Variants in ADAMTS12 observed in about 807,000 individuals in gnomAD.
The protein encoded by ADAMTS12 is ADAM metallopeptidase with thrombospondin type 1 motif 12.
ADAMTS12 carries 118 observed loss-of-function variants against 167.8 expected under a neutral mutation model. The observed-to-expected ratio is 0.70, with a 90% CI of 0.61 to 0.82. The LOEUF (loss-of-function observed/expected upper bound fraction) is 0.82, where lower values mean the gene tolerates loss of function less well. Ranked by LOEUF, ADAMTS12 falls within the 40% of genes least tolerant of loss-of-function variation. The pLI, the probability that ADAMTS12 is intolerant of heterozygous loss-of-function variation, is 0.00. For missense variants in ADAMTS12, 1,916 were observed against 1,998.8 expected (o/e 0.96, Z 0.79); for synonymous variants, 704 against 716.9 (o/e 0.98, Z 0.29).
chr5:33,602,448 C>A (rs994106387), intron 16 of ADAMTS12, among the ~76,000 whole-genome samples: 4 of 152,176 alleles, frequency 2.6e-5, no homozygotes, highest in Admixed American at 6.5e-5. Context: ...CCATTGAAAT[C>A]ATCTGAATTC....
intron 3 of ADAMTS12, among the ~76,000 whole-genome samples, chr5:33,717,446 C>T (rs1170050926): frequency 6.6e-6 from 1 of 152,146 alleles, no homozygotes; most frequent in Admixed American, 6.5e-5. Context: ...ATTTAATCCA[C>T]ATAATAACCC....
At chr5:33,839,297 T>G (rs1366622292) in intron 2 of ADAMTS12, among the ~76,000 whole-genome samples, 1 of 152,246 alleles carries the variant, frequency 6.6e-6, no homozygotes, top group African/African-American at 2.4e-5. Context: ...GTGTGTGCTA[T>G]TATTAGCAGA....
intron 2 of ADAMTS12, among the ~76,000 whole-genome samples, chr5:33,820,806 A>T (rs540174744): frequency 1.3e-5 from 2 of 152,278 alleles, no homozygotes; most frequent in African/African-American, 4.8e-5. Flanking sequence ...AAAGAACAAG[A>T]TCATGTCCTT....
At chr5:33,638,684 CA>C (rs1740304272) in intron 11 of ADAMTS12, among the ~76,000 whole-genome samples, 1 of 152,152 alleles carries the variant, frequency 6.6e-6, no homozygotes, top group African/African-American at 2.4e-5. Flanking sequence ...CTATCATTCC[CA>C]AAGATAGTTC....
At chr5:33,789,062 G>C (rs867239708) in intron 2 of ADAMTS12, among the ~76,000 whole-genome samples, 1 of 152,172 alleles carries the variant, frequency 6.6e-6, no homozygotes, top group Non-Finnish European at 1.5e-5. Flanking sequence ...AGGATCACAC[G>C]GATTCTGTAC....
At chr5:33,804,311 C>T (rs4866386) in intron 2 of ADAMTS12, among the ~76,000 whole-genome samples, 70,132 of 152,056 alleles carry the variant, frequency 0.46, 16,483 homozygotes, top group African/African-American at 0.52. Context: ...GCAAACCCAT[C>T]GCAAACAAGC....
intron 2 of ADAMTS12, among the ~76,000 whole-genome samples, chr5:33,832,628 A>G (rs1748344044): frequency 6.6e-6 from 1 of 152,204 alleles, no homozygotes; most frequent in African/African-American, 2.4e-5. Flanking sequence ...GCATGCTCAG[A>G]GAGAGAATTT....
At chr5:33,628,837 A>G (rs1739785418) in intron 13 of ADAMTS12, among the ~76,000 whole-genome samples, 1 of 152,220 alleles carries the variant, frequency 6.6e-6, no homozygotes, top group Non-Finnish European at 1.5e-5. Flanking sequence ...CCAGTGTGCT[A>G]TAGACAGAAA....
chr5:33,553,132 C>G (rs1318991065), intron 20 of ADAMTS12, among the ~76,000 whole-genome samples: 1 of 152,134 alleles, frequency 6.6e-6, no homozygotes, highest in Admixed American at 6.5e-5. Context: ...TATCACTGAT[C>G]ATTAGAGAAA....
chr5:33,873,710 T>C (rs1312568580), intron 2 of ADAMTS12, among the ~76,000 whole-genome samples: 5 of 152,072 alleles, frequency 3.3e-5, no homozygotes, highest in African/African-American at 1.2e-4. Context: ...AAAGAATAGA[T>C]AAATAGATAA....
chr5:33,542,501 C>T (rs143629047), intron 22 of ADAMTS12, among the ~76,000 whole-genome samples: 181 of 152,298 alleles, frequency 1.2e-3, no homozygotes, highest in African/African-American at 4.2e-3. Flanking sequence ...TTCAGCTCTG[C>T]ACCAAGCAAA....
rs559689325 is a variant in ADAMTS12, at chr5:33,537,875, T to C, written c.4447-2883A>G. 1.5e-3 allele frequency among the ~76,000 whole-genome samples: 222 copies of C among 152,358 alleles called. 1 individual carries two copies. The highest frequency in any genetic ancestry group is 5.3e-3 in the African/African-American group (219 of 41,580). On this transcript the variant is annotated intron_variant, in intron 22 of 23. Transcript: ENST00000504830. ...GCATTATGTTGGGCAAAATACTGCA[T>C]TCCCGTGTGTGTTATAATTATAACC...
intron 2 of ADAMTS12, among the ~76,000 whole-genome samples, chr5:33,826,692 C>T (rs1748085072): frequency 6.6e-6 from 1 of 151,526 alleles, no homozygotes; most frequent in African/African-American, 2.4e-5. Flanking sequence ...TAACAAATAA[C>T]CTAAATTAAT....
At chr5:33,580,826 A>G (rs1249581031) in intron 18 of ADAMTS12, among the ~76,000 whole-genome samples, 1 of 152,230 alleles carries the variant, frequency 6.6e-6, no homozygotes, top group South Asian at 2.1e-4. Flanking sequence ...GATGATCTGC[A>G]TCTATTGCTC....
chr5:33,697,594 G>A (rs34547972), intron 3 of ADAMTS12, among the ~76,000 whole-genome samples: 52,662 of 151,462 alleles, frequency 0.35, 10,848 homozygotes, highest in Non-Finnish European at 0.47. Flanking sequence ...TCCTTTTAGC[G>A]TTTGTTAGAT....
chr5:33,741,086 GGT>G (rs902574752), intron 3 of ADAMTS12, among the ~76,000 whole-genome samples: 7 of 152,186 alleles, frequency 4.6e-5, no homozygotes, highest in African/African-American at 1.7e-4. Context: ...ACCTCACTGA[GGT>G]GTGTGTGTGC....
Position 33,891,952 on chromosome 5 carries a change from G to A in ADAMTS12, c.-96C>T. Reference sequence around the variant, plus strand: ...TGTGGCCCAGCAGGAAGATGCAGGGGTGCATGGTCAGGCGCGAGAAGGCAG... The same window carrying A: ...TGTGGCCCAGCAGGAAGATGCAGGGATGCATGGTCAGGCGCGAGAAGGCAG... On this transcript the variant is annotated 5_prime_UTR_variant, in exon 1 of 24. Transcript: ENST00000504830. 5 of 1,484,380 alleles carry A rather than the reference G, an allele frequency of 3.4e-6. No individual in the cohort carries two copies. Among genetic ancestry groups the A allele is most frequent in the Non-Finnish European group, 4.5e-6 (5 of 1,103,876 alleles). The allele number at this position is 1,484,380 out of a possible 1,614,324, so 92.0% of individuals were successfully genotyped here.
intron 2 of ADAMTS12, among the ~76,000 whole-genome samples, chr5:33,806,324 T>A (rs1747227270): frequency 6.6e-6 from 1 of 152,190 alleles, no homozygotes; most frequent in African/African-American, 2.4e-5. Context: ...ATCCAGTCCA[T>A]ACACAGAGAT....
chr5:33,682,982 G>A, intron 5 of ADAMTS12, 36 bp downstream of exon 5: 1 of 1,566,614 alleles, frequency 6.4e-7, no homozygotes, highest in Non-Finnish European at 8.8e-7. Flanking sequence ...GAAGTGCGAG[G>A]ACATATAGCA....
Sources: allele counts gnomAD v4.1 joint callset (sites outside exome capture counted in the v4.1 genomes callset), GRCh38; gene constraint gnomAD v4.1.1; transcripts MANE v1.5; gene names NCBI Gene and HGNC (gene_info 2026-07-23, HGNC 2026-07-21).